NAA11: variants seen among roughly 807,000 people sequenced by gnomAD.
The protein encoded by NAA11 is N-alpha-acetyltransferase 11, NatA catalytic subunit.
A neutral mutation model predicts 16.1 loss-of-function variants in NAA11; 15 were observed. The ratio of observed to expected loss-of-function variants is 0.93; its 90% CI spans 0.62 to 1.44. The LOEUF (loss-of-function observed/expected upper bound fraction) is 1.44, where lower values mean the gene tolerates loss of function less well. Ranked by LOEUF, NAA11 falls within the 40% of genes most tolerant of loss-of-function variation. NAA11 has a pLI of 0.00. For synonymous variants in NAA11, 122 were observed against 112.4 expected (o/e 1.09, Z -0.54); for missense variants, 298 against 291.3 (o/e 1.02, Z -0.17).
the NAA11 span, among the ~76,000 whole-genome samples, chr4:79,195,304 T>C: frequency 1.3e-5 from 2 of 152,064 alleles, no homozygotes; most frequent in African/African-American, 4.8e-5. Flanking sequence ...CTGAGTGTAA[T>C]TTTGGGTTGG....
the NAA11 span, among the ~76,000 whole-genome samples, chr4:79,170,184 G>A: frequency 6.6e-6 from 1 of 152,158 alleles, no homozygotes. Flanking sequence ...CAATCACACA[G>A]GGTCCTGCAC....
chr4:79,282,863 A>T (rs1014609004), intron 2 of NAA11, among the ~76,000 whole-genome samples: 1 of 152,102 alleles, frequency 6.6e-6, no homozygotes, highest in Admixed American at 6.6e-5. Flanking sequence ...AGACTAAAGA[A>T]GAAAAAGATC....
the NAA11 span, among the ~76,000 whole-genome samples, chr4:79,187,917 G>A: frequency 6.7e-6 from 1 of 149,678 alleles, no homozygotes; most frequent in Non-Finnish European, 1.5e-5. Context: ...GAGAATGGCG[G>A]GAACCCGGGA....
chr4:79,263,042 G>T (rs1722272661), intron 2 of NAA11, among the ~76,000 whole-genome samples: 1 of 152,118 alleles, frequency 6.6e-6, no homozygotes, highest in African/African-American at 2.4e-5. Context: ...ATACATAGAT[G>T]CGTGTTAAAA....
Position 79,239,739 on chromosome 4 carries a change from A to T in NAA11, c.*123-13469T>A, listed in dbSNP as rs959228307. 2.6e-5 allele frequency among the ~76,000 whole-genome samples: 4 copies of T among 152,100 alleles called. No homozygotes were observed. In the East Asian group the frequency reaches 7.7e-4, roughly 29 times the overall value. Reference sequence around the variant, plus strand: ...TTTGTGAATGGACCTCTTATAATGGACACAAACTGTGAAGATATTTGTTTT... The same window carrying T: ...TTTGTGAATGGACCTCTTATAATGGTCACAAACTGTGAAGATATTTGTTTT... On this transcript the variant is annotated intron_variant and NMD_transcript_variant, in intron 2 of 2. Coordinates refer to the NAA11 transcript ENST00000511542.
Position 79,325,313 on chromosome 4 carries a change from C to G in NAA11, c.565G>C (p.Glu189Gln), listed in dbSNP as rs1482645980. Reference sequence around the variant, plus strand: ...GGGTTCTTTTGCTGACAGGCCTCTTCAGAATCAGAAAGTGTGCTGCCCTGG... The same window carrying G: ...GGGTTCTTTTGCTGACAGGCCTCTTGAGAATCAGAAAGTGTGCTGCCCTGG... ...ETQGSTLSDS[E>Q]EACQQKNPAT... Residue 189 changes from glutamate to glutamine, a missense_variant, in exon 1 of 2, where the codon GAA (glutamate) becomes CAA (glutamine). Glu to Gln is a conservative substitution (Grantham distance 29). Coordinates refer to ENST00000286794, the MANE Select transcript of NAA11 (RefSeq NM_032693.3). The G allele has an allele frequency of 6.2e-7, 1 of 1,613,942 alleles. No homozygotes were observed. The highest frequency in any genetic ancestry group is 1.1e-5 in the South Asian group (1 of 91,070).
intron 2 of NAA11, among the ~76,000 whole-genome samples, chr4:79,291,210 C>G (rs1723076241): frequency 6.6e-6 from 1 of 151,986 alleles, no homozygotes. Flanking sequence ...GCCTATAATC[C>G]CAGGACTTTG....
At chr4:79,202,051 A>G in the NAA11 span, among the ~76,000 whole-genome samples, 4 of 151,598 alleles carry the variant, frequency 2.6e-5, no homozygotes, top group East Asian at 5.8e-4. Flanking sequence ...TGGTGATAAC[A>G]TTCAAAATCC....
At chr4:79,183,655 CT>C in the NAA11 span, among the ~76,000 whole-genome samples, 62 of 148,542 alleles carry the variant, frequency 4.2e-4, no homozygotes, top group Admixed American at 7.4e-4. Flanking sequence ...TATTGTCTAC[CT>C]TTTTTTTTTA....
intron 2 of NAA11, among the ~76,000 whole-genome samples, chr4:79,255,034 T>C (rs1160805494): frequency 6.6e-6 from 1 of 152,084 alleles, no homozygotes; most frequent in East Asian, 1.9e-4. Context: ...TCAAAGAATC[T>C]CCCAAAATGT....
chr4:79,206,288 CA>C, the NAA11 span, among the ~76,000 whole-genome samples: 1 of 152,012 alleles, frequency 6.6e-6, no homozygotes, highest in South Asian at 2.1e-4. Flanking sequence ...TTTCTTTCAT[CA>C]GTGTTTTGTA....
chr4:79,295,633 G>T (rs1367009334), intron 1 of NAA11, among the ~76,000 whole-genome samples: 1 of 152,158 alleles, frequency 6.6e-6, no homozygotes, highest in Non-Finnish European at 1.5e-5. Context: ...CTGGGAAATT[G>T]TATTACTTTA....
intron 2 of NAA11, among the ~76,000 whole-genome samples, chr4:79,234,791 A>T (rs1721535304): frequency 6.6e-6 from 1 of 152,250 alleles, no homozygotes; most frequent in East Asian, 1.9e-4. Flanking sequence ...ATTATTTTTT[A>T]AAATGTTATG....
At chr4:79,222,160 C>G (rs796077112), downstream of NAA11, among the ~76,000 whole-genome samples, 17 of 152,100 alleles carry the variant, frequency 1.1e-4, no homozygotes, top group Admixed American at 5.9e-4. Context: ...AGTTTATTTG[C>G]GTAGAGGTGT....
chr4:79,179,551 T>C, the NAA11 span, among the ~76,000 whole-genome samples: 1 of 152,238 alleles, frequency 6.6e-6, no homozygotes, highest in Non-Finnish European at 1.5e-5. Flanking sequence ...AGTTACTGTT[T>C]ACTATTCTGT....
chr4:79,325,650 G>T lies in NAA11; in HGVS notation c.228C>A (p.Ala76=). Residue 76 remains alanine (A), a synonymous_variant, in exon 1 of 2, where the codon GCC becomes GCA. Coordinates refer to ENST00000286794, the MANE Select transcript of NAA11 (RefSeq NM_032693.3). ...DVPHGHITSL[A]VKRSHRRLGL... ...CGAGGCGCCGGTGTGAACGCTTCACGGCCAGTGAGGTGATATGGCCATGCG... is the reference window on the plus strand; with the variant it reads ...CGAGGCGCCGGTGTGAACGCTTCACTGCCAGTGAGGTGATATGGCCATGCG... 1 of 1,614,050 alleles carries T rather than the reference G, an allele frequency of 6.2e-7. No homozygotes were observed. Among genetic ancestry groups the T allele is most frequent in the Non-Finnish European group, 8.5e-7 (1 of 1,179,948 alleles).
chr4:79,228,565 G>A (rs1020801721), intron 2 of NAA11, among the ~76,000 whole-genome samples: 1 of 128,830 alleles, frequency 7.8e-6, no homozygotes, highest in African/African-American at 2.6e-5. Flanking sequence ...GAATTATATT[G>A]TATGTAGCTT....
chr4:79,277,272 T>A (rs2109984492), intron 2 of NAA11, among the ~76,000 whole-genome samples: 1 of 152,184 alleles, frequency 6.6e-6, no homozygotes, highest in East Asian at 1.9e-4. Flanking sequence ...TCGCAGCCGT[T>A]ATAGGTGTAC....
At chr4:79,223,322 A>G (rs1399461060), downstream of NAA11, among the ~76,000 whole-genome samples, 1 of 149,054 alleles carries the variant, frequency 6.7e-6, no homozygotes, top group African/African-American at 2.5e-5. Context: ...GCCATAAAAA[A>G]TGATGAGTTC....
Sources: gnomAD v4.1 joint callset for allele counts (sites outside exome capture counted in the v4.1 genomes callset) on GRCh38, gnomAD v4.1.1 for gene constraint, MANE v1.5 for transcripts, NCBI Gene and HGNC (gene_info 2026-07-23, HGNC 2026-07-21) for gene names.